Variants in PSTPIP2 observed in about 807,000 individuals in gnomAD.
The protein encoded by PSTPIP2 is proline-serine-threonine phosphatase-interacting protein 2.
In PSTPIP2, 33 loss-of-function variants were observed where a neutral mutation model predicts 63.3. That is an observed-to-expected ratio of 0.52 (90% CI 0.40 to 0.70). The LOEUF (loss-of-function observed/expected upper bound fraction) is 0.70, where lower values mean the gene tolerates loss of function less well. Among genes scored for constraint, PSTPIP2 ranks in the 30% least tolerant of loss-of-function variants. The probability of loss-of-function intolerance (pLI) is 0.00; values close to 1 mark genes in which losing one functional copy is unlikely to be tolerated. For missense variants in PSTPIP2, 312 were observed against 400.7 expected, an observed-to-expected ratio of 0.78 and a Z score of 1.89; for synonymous variants, 125 against 132.7, an observed-to-expected ratio of 0.94 and a Z score of 0.40.
intron 2 of PSTPIP2, among the ~76,000 whole-genome samples, chr18:46,038,775 C>A (rs2144110001): frequency 6.6e-6 from 1 of 152,276 alleles, no homozygotes; most frequent in Admixed American, 6.5e-5. Flanking sequence ...TCCTCCAGAC[C>A]TTTGGAATGG....
intron 10 of PSTPIP2, among the ~76,000 whole-genome samples, chr18:45,992,916 G>C (rs758896932): frequency 6.6e-6 from 1 of 152,008 alleles, no homozygotes; most frequent in Non-Finnish European, 1.5e-5. Context: ...AGTAGAGACG[G>C]GGTTTCACCA....
intron 1 of PSTPIP2, among the ~76,000 whole-genome samples, chr18:46,042,271 C>T (rs1313820229): frequency 1.3e-5 from 2 of 152,146 alleles, no homozygotes; most frequent in Non-Finnish European, 2.9e-5. Flanking sequence ...TCCATACATA[C>T]CCCTCTGTCT....
intron 10 of PSTPIP2, among the ~76,000 whole-genome samples, chr18:45,992,448 G>C (rs1321380136): frequency 6.6e-6 from 1 of 151,798 alleles, no homozygotes; most frequent in Non-Finnish European, 1.5e-5. Context: ...TGTAATCCCA[G>C]CTACTTGGGA....
At chr18:45,997,182 CT>C in intron 9 of PSTPIP2, among the ~76,000 whole-genome samples, 1 of 152,098 alleles carries the variant, frequency 6.6e-6, no homozygotes, top group East Asian at 1.9e-4. Flanking sequence ...TTTCTGATTT[CT>C]TTTTTTGTTT....
chr18:46,001,048 C>T (rs2051660291), intron 6 of PSTPIP2, among the ~76,000 whole-genome samples: 1 of 152,184 alleles, frequency 6.6e-6, no homozygotes, highest in Admixed American at 6.5e-5. Flanking sequence ...GCCTGAAGGA[C>T]ATTATGTTAA....
At chr18:46,006,360 CTTTTTT>C (rs756384731) in intron 5 of PSTPIP2, among the ~76,000 whole-genome samples, 5 of 115,646 alleles carry the variant, frequency 4.3e-5, no homozygotes, top group African/African-American at 7.4e-5. Context: ...AGCCCTGGTA[CTTTTTT>C]TTTTTTTTTT....
chr18:46,058,898 G>C (rs1056133969), intron 1 of PSTPIP2, among the ~76,000 whole-genome samples: 42 of 152,180 alleles, frequency 2.8e-4, no homozygotes, highest in African/African-American at 1.0e-3. Context: ...TGCCTGGGAG[G>C]CTGGTCCACT....
chr18:46,024,664 CA>C lies in PSTPIP2; in HGVS notation c.156del (p.Tyr52Ter). ...CTAGAGAGGTTGAGCAGATCTTTGC[CA>C]TACCTCTCTTCAATTGCTGCCCTAG... The part of the protein sequence containing the change: ...LKERAAIEER[Y>X]GKDLLNLSRK... On this transcript the variant is annotated frameshift_variant, in exon 3 of 15. Coordinates refer to ENST00000409746, the MANE Select transcript of PSTPIP2 (RefSeq NM_024430.4). LOFTEE classifies it high-confidence loss of function. 6.2e-7 allele frequency: 1 copy of C among 1,614,024 alleles called. No homozygotes were observed. The highest frequency in any genetic ancestry group is 8.5e-7 in the Non-Finnish European group (1 of 1,179,888).
At chr18:45,993,985 C>A in intron 9 of PSTPIP2, 1 of 390,770 alleles carries the variant, frequency 2.6e-6, no homozygotes, top group Admixed American at 3.8e-5. Context: ...TTCCTACCGA[C>A]ATTTCCAACT....
intron 6 of PSTPIP2, among the ~76,000 whole-genome samples, chr18:46,002,555 T>C (rs2051678746): frequency 6.6e-6 from 1 of 152,252 alleles, no homozygotes; most frequent in Non-Finnish European, 1.5e-5. Flanking sequence ...ATTTTGATTA[T>C]TATATTTTTC....
At chr18:46,067,403 T>C (rs1264216436) in intron 1 of PSTPIP2, among the ~76,000 whole-genome samples, 1 of 150,012 alleles carries the variant, frequency 6.7e-6, no homozygotes, top group Non-Finnish European at 1.5e-5. Flanking sequence ...CTCAGGAGGC[T>C]GAGGCAGGAG....
At chr18:46,039,526 A>C (rs9965475) in intron 2 of PSTPIP2, among the ~76,000 whole-genome samples, 2,038 of 151,630 alleles carry the variant, frequency 0.013, 32 homozygotes, top group Admixed American at 0.033. Context: ...ACAAGGACCT[A>C]CTCCTCCATG....
intron 2 of PSTPIP2, among the ~76,000 whole-genome samples, chr18:46,032,754 C>CAA (rs762015034): frequency 0.094 from 4,702 of 50,044 alleles, 224 homozygotes; most frequent in East Asian, 0.33. Context: ...AACTCTGTGT[C>CAA]AAAAAAAAAA....
At chr18:46,024,554 G>A in intron 3 of PSTPIP2, 55 bp downstream of exon 3, 1 of 1,443,394 alleles carries the variant, frequency 6.9e-7, no homozygotes, top group African/African-American at 1.4e-5. Context: ...TGAAGCGAGG[G>A]AGCTCCCAGG....
At chr18:45,992,825 C>T (rs1456754429) in intron 10 of PSTPIP2, among the ~76,000 whole-genome samples, 1 of 152,078 alleles carries the variant, frequency 6.6e-6, no homozygotes, top group South Asian at 2.1e-4. Context: ...CTGGCTGAAG[C>T]AATTCCCCTG....
Position 46,011,231 on chromosome 18 carries a change from C to A in PSTPIP2, c.304G>T (p.Ala102Ser). The A allele has an allele frequency of 2.5e-6, 4 of 1,613,964 alleles. No homozygotes were observed. Among genetic ancestry groups the A allele is most frequent in the Non-Finnish European group, 2.5e-6 (3 of 1,179,974 alleles). ...IQLAQSLREEARKMEEFREKQ... is the reference protein window; with the variant it reads ...IQLAQSLREESRKMEEFREKQ... ...TCCCTGAATTCTTCCATCTTCCTGG[C>A]CTCTTCTCTTAAACTCTGTGCAAGC... is the stretch of plus-strand genomic sequence containing the variant. Residue 102 changes from alanine to serine, a missense_variant, in exon 5 of 15, where the codon GCC becomes TCC. Physicochemically the swap from Ala to Ser is moderately conservative, Grantham distance 99. Transcript: ENST00000409746.
At chr18:45,988,900 C>A in intron 13 of PSTPIP2, 141 bp from the exon 14 acceptor site, 1 of 684,722 alleles carries the variant, frequency 1.5e-6, no homozygotes, top group Non-Finnish European at 2.5e-6. Context: ...CCAACAAAAA[C>A]TATAAATGGT....
At chr18:46,057,187 T>C (rs1908788352) in intron 1 of PSTPIP2, among the ~76,000 whole-genome samples, 1 of 152,192 alleles carries the variant, frequency 6.6e-6, no homozygotes. Context: ...GCCCTGGCTC[T>C]GCCTGCGTCC....
At chr18:46,048,153 A>G (rs899101279) in intron 1 of PSTPIP2, among the ~76,000 whole-genome samples, 10 of 152,194 alleles carry the variant, frequency 6.6e-5, no homozygotes, top group African/African-American at 2.4e-4. Flanking sequence ...CAGGAGGGTC[A>G]TAGAGTCAGG....
Sources: gnomAD v4.1 joint callset for allele counts (sites outside exome capture counted in the v4.1 genomes callset) on GRCh38, gnomAD v4.1.1 for gene constraint, MANE v1.5 for transcripts, NCBI Gene and HGNC (gene_info 2026-07-23, HGNC 2026-07-21) for gene names.